SPATS2: variants seen among roughly 807,000 people sequenced by gnomAD.
The protein encoded by SPATS2 is spermatogenesis-associated serine-rich protein 2.
A neutral mutation model predicts 63.7 loss-of-function variants in SPATS2; 38 were observed. That is an observed-to-expected ratio of 0.60 (90% CI 0.46 to 0.78). The LOEUF (loss-of-function observed/expected upper bound fraction) is 0.78, where lower values mean the gene tolerates loss of function less well. SPATS2 is among the 30% of genes least tolerant of loss of function. The probability of loss-of-function intolerance (pLI) is 0.00; values close to 1 mark genes in which losing one functional copy is unlikely to be tolerated. For missense variants in SPATS2, 588 were observed against 666.2 expected, an observed-to-expected ratio of 0.88 and a Z score of 1.29; for synonymous variants, 207 against 232.9, an observed-to-expected ratio of 0.89 and a Z score of 1.01.
At chr12:49,418,416 T>C (rs900209836) in intron 2 of SPATS2, among the ~76,000 whole-genome samples, 1 of 152,186 alleles carries the variant, frequency 6.6e-6, no homozygotes, top group Admixed American at 6.5e-5. Flanking sequence ...TCTCCGGTCT[T>C]AGCCTCCCTA....
At position 49,405,363 on chromosome 12, in the gene SPATS2, G is replaced by A. The variant is rs1326836053; in HGVS notation, c.-244+34073G>A. The stretch of plus-strand genomic sequence containing the variant: ...CTGTATTCATTTTACTGATCACATT[G>A]TGTTATAATTAATTGTTCATATGTC... On this transcript the variant is annotated intron_variant, in intron 2 of 13. Coordinates refer to ENST00000552918, the MANE Select transcript of SPATS2 (RefSeq NM_023071.4). Among the ~76,000 whole-genome samples, 6 of 152,148 alleles carry A rather than the reference G, an allele frequency of 3.9e-5. No homozygotes were observed. The East Asian group carries it at 1.2e-3, about 29-fold the overall frequency.
intron 9 of SPATS2, among the ~76,000 whole-genome samples, chr12:49,504,829 C>T (rs1324797497): frequency 1.3e-4 from 18 of 139,286 alleles, no homozygotes; most frequent in African/African-American, 1.9e-4. Flanking sequence ...AGTGTAGTAG[C>T]GCCATCGTGT....
intron 9 of SPATS2, among the ~76,000 whole-genome samples, chr12:49,500,713 A>G (rs551371502): frequency 6.6e-6 from 1 of 152,220 alleles, no homozygotes; most frequent in African/African-American, 2.4e-5. Context: ...CGGAGCTTGC[A>G]GTGAGCCAAG....
At chr12:49,404,637 T>C (rs1469606905) in intron 2 of SPATS2, among the ~76,000 whole-genome samples, 1 of 152,090 alleles carries the variant, frequency 6.6e-6, no homozygotes, top group Non-Finnish European at 1.5e-5. Flanking sequence ...CCAAAGAGAA[T>C]AGGGGAGAAT....
At chr12:49,388,514 C>T (rs916327275) in intron 2 of SPATS2, among the ~76,000 whole-genome samples, 9 of 151,748 alleles carry the variant, frequency 5.9e-5, no homozygotes, top group Admixed American at 5.3e-4. Flanking sequence ...ATTGGGACTA[C>T]AGGCATGTGC....
At chr12:49,400,293 G>A (rs193237392) in intron 2 of SPATS2, among the ~76,000 whole-genome samples, 4 of 152,274 alleles carry the variant, frequency 2.6e-5, no homozygotes. Context: ...GGAAGCAAAA[G>A]CCTCTTGGGG....
intron 2 of SPATS2, among the ~76,000 whole-genome samples, chr12:49,459,740 T>TCCC (rs76078684): frequency 2.8e-4 from 9 of 32,650 alleles, no homozygotes; most frequent in African/African-American, 8.2e-4. Flanking sequence ...TCATTTCACG[T>TCCC]CCCCCCCCCC....
intron 2 of SPATS2, among the ~76,000 whole-genome samples, chr12:49,394,361 A>AACTAGTTT (rs1276535051): frequency 1.3e-4 from 19 of 151,098 alleles, no homozygotes; most frequent in Non-Finnish European, 7.4e-5. Flanking sequence ...AAAAAAACAG[A>AACTAGTTT]ACTAGTTTGC....
At chr12:49,498,145 A>AAAAAAAAAAT (rs66900382) in intron 8 of SPATS2, among the ~76,000 whole-genome samples, 7 of 98,958 alleles carry the variant, frequency 7.1e-5, no homozygotes, top group Admixed American at 1.0e-4. Context: ...AAAAAAAAAA[A>AAAAAAAAAAT]ATATATATAT....
intron 2 of SPATS2, among the ~76,000 whole-genome samples, chr12:49,397,817 G>A (rs1944536896): frequency 7.3e-6 from 1 of 136,640 alleles, no homozygotes; most frequent in South Asian, 2.5e-4. Context: ...GTGACAGAGT[G>A]AGACTCTTAG....
intron 3 of SPATS2, among the ~76,000 whole-genome samples, chr12:49,466,700 A>G (rs1945922618): frequency 6.6e-6 from 1 of 152,162 alleles, no homozygotes; most frequent in South Asian, 2.1e-4. Flanking sequence ...GTATGGCTTT[A>G]TAGTAAATAT....
intron 10 of SPATS2, among the ~76,000 whole-genome samples, 184 bp downstream of exon 10, chr12:49,514,797 G>T (rs1408287403): frequency 2.6e-5 from 4 of 152,172 alleles, no homozygotes; most frequent in African/African-American, 4.8e-5. Flanking sequence ...TAAAGAGCCT[G>T]TTTTAAAAAT....
chr12:49,422,114 C>CT (rs1944994306), intron 2 of SPATS2, among the ~76,000 whole-genome samples: 1 of 152,108 alleles, frequency 6.6e-6, no homozygotes, highest in Non-Finnish European at 1.5e-5. Flanking sequence ...GCCTTTGCTG[C>CT]TTTATGATCT....
intron 10 of SPATS2, among the ~76,000 whole-genome samples, chr12:49,516,157 AAAAAAAAAAATATATATATATATATATAT>A (rs1278260971): frequency 2.3e-5 from 1 of 43,900 alleles, no homozygotes; most frequent in East Asian, 5.5e-4. Context: ...AAAAAAAAAA[AAAAAAAAAAATATATATATATATATATAT>A]ATATATATAT....
chr12:49,377,216 A>G (rs1944122778), intron 2 of SPATS2, among the ~76,000 whole-genome samples: 1 of 152,166 alleles, frequency 6.6e-6, no homozygotes, highest in Non-Finnish European at 1.5e-5. Flanking sequence ...AGGAATTTTA[A>G]AAGTTGATAT....
At chr12:49,370,806 A>G (rs1279468106) in intron 1 of SPATS2, among the ~76,000 whole-genome samples, 1 of 152,080 alleles carries the variant, frequency 6.6e-6, no homozygotes, top group Non-Finnish European at 1.5e-5. Flanking sequence ...CTGCCCAGAA[A>G]GGATCTCACT....
At chr12:49,473,949 A>G (rs980788511) in intron 3 of SPATS2, among the ~76,000 whole-genome samples, 2 of 152,242 alleles carry the variant, frequency 1.3e-5, no homozygotes, top group Non-Finnish European at 2.9e-5. Context: ...GGAAGTCCAG[A>G]GAGCGATTAC....
At chr12:49,431,585 C>T (rs1854781397) in intron 2 of SPATS2, among the ~76,000 whole-genome samples, 1 of 152,168 alleles carries the variant, frequency 6.6e-6, no homozygotes, top group African/African-American at 2.4e-5. Context: ...ACAGTATTCT[C>T]ATTATGTGGA....
At position 49,516,195 on chromosome 12, in the gene SPATS2, ATATAT is replaced by A. The variant is rs1565760954; in HGVS notation, c.898+1583_898+1587del. ...TATATATATATATATATATATATAT[ATATAT>A]ATATATATAAATCAGGCATGGGGTC... On this transcript the variant is annotated intron_variant, in intron 10 of 13. Transcript: ENST00000552918. Among the ~76,000 whole-genome samples, 70 of 107,238 alleles carry A rather than the reference ATATAT, an allele frequency of 6.5e-4. 7 individuals carry two copies. Among genetic ancestry groups the A allele is most frequent in the African/African-American group, 1.4e-3 (40 of 28,712 alleles). 70.4% of individuals were successfully genotyped at this position (107,238 alleles called of 152,430 possible).
Sources: gnomAD v4.1 joint callset for allele counts (sites outside exome capture counted in the v4.1 genomes callset) on GRCh38, gnomAD v4.1.1 for gene constraint, MANE v1.5 for transcripts, NCBI Gene and HGNC (gene_info 2026-07-23, HGNC 2026-07-21) for gene names.